The following EPHB1 variants were observed in gnomAD, a reference collection of about 807,000 sequenced individuals.
EPHB1 encodes ephrin type-B receptor 1.
EPHB1 carries 30 observed loss-of-function variants against 94.4 expected under a neutral mutation model. That is an observed-to-expected ratio of 0.32 (90% CI 0.24 to 0.43). EPHB1 has a LOEUF of 0.43. Among genes scored for constraint, EPHB1 ranks in the 20% least tolerant of loss-of-function variants. EPHB1 has a pLI of 1.00. For missense variants in EPHB1, 1,055 were observed against 1,308.3 expected (o/e 0.81, Z 2.99); for synonymous variants, 522 against 489.1 (o/e 1.07, Z -0.89).
intron 2 of EPHB1, 80 bp downstream of exon 2, chr3:134,925,960 C>A (rs2038783655): frequency 1.6e-6 from 2 of 1,254,958 alleles, no homozygotes; most frequent in Non-Finnish European, 2.2e-6. Flanking sequence ...AGAGACTACC[C>A]AGAGCAGTAC....
At chr3:135,227,361 A>G (rs1943426243) in intron 12 of EPHB1, among the ~76,000 whole-genome samples, 1 of 152,214 alleles carries the variant, frequency 6.6e-6, no homozygotes. Context: ...ATTCCCAGAA[A>G]TTACTATCAT....
chr3:134,840,163 A>C (rs1056439474), intron 1 of EPHB1, among the ~76,000 whole-genome samples: 1 of 152,176 alleles, frequency 6.6e-6, no homozygotes, highest in African/African-American at 2.4e-5. Flanking sequence ...TCACTATGGC[A>C]CAGGGCCCAG....
intron 9 of EPHB1, among the ~76,000 whole-genome samples, chr3:135,168,594 G>A (rs1297626446): frequency 6.6e-6 from 1 of 152,206 alleles, no homozygotes; most frequent in Admixed American, 6.5e-5. Context: ...TTGTACCTGT[G>A]ATTCTCAAGT....
chr3:135,169,858 A>G (rs1941755227), intron 9 of EPHB1, among the ~76,000 whole-genome samples: 1 of 152,248 alleles, frequency 6.6e-6, no homozygotes, highest in Non-Finnish European at 1.5e-5. Flanking sequence ...AGCCGGCTGC[A>G]GAGCCCATGC....
chr3:134,891,814 G>A (rs2037989926), intron 1 of EPHB1, among the ~76,000 whole-genome samples: 1 of 152,192 alleles, frequency 6.6e-6, no homozygotes, highest in Admixed American at 6.5e-5. Flanking sequence ...GTAGGATCTG[G>A]GTGTTAGAGC....
intron 3 of EPHB1, among the ~76,000 whole-genome samples, chr3:135,054,286 G>A (rs959525819): frequency 7.2e-5 from 11 of 152,144 alleles, no homozygotes; most frequent in Non-Finnish European, 1.0e-4. Flanking sequence ...GACTTGAACT[G>A]TAACTCTTCC....
At chr3:134,816,346 G>A (rs377585469) in intron 1 of EPHB1, among the ~76,000 whole-genome samples, 8 of 151,844 alleles carry the variant, frequency 5.3e-5, no homozygotes, top group East Asian at 3.9e-4. Flanking sequence ...CGCCCACCTC[G>A]CCTCCCAAAG....
chr3:135,110,151 A>G (rs966669947), intron 4 of EPHB1, among the ~76,000 whole-genome samples: 1 of 152,376 alleles, frequency 6.6e-6, no homozygotes, highest in Admixed American at 6.5e-5. Flanking sequence ...GACTGGTGTG[A>G]AAATAATTAC....
intron 3 of EPHB1, among the ~76,000 whole-genome samples, chr3:134,982,453 G>A (rs1453925624): frequency 5.3e-5 from 8 of 152,168 alleles, no homozygotes; most frequent in Admixed American, 2.0e-4. Flanking sequence ...GTGTTCCTGC[G>A]TGAGAAGGCA....
chr3:135,154,497 C>A, intron 6 of EPHB1: 3 of 520,832 alleles, frequency 5.8e-6, no homozygotes, highest in South Asian at 2.7e-5. Flanking sequence ...AACTTCCAGT[C>A]CACCATCCTG....
intron 1 of EPHB1, among the ~76,000 whole-genome samples, chr3:134,906,292 C>A (rs1389639259): frequency 6.6e-6 from 1 of 152,190 alleles, no homozygotes; most frequent in African/African-American, 2.4e-5. Flanking sequence ...TGTAGGTACA[C>A]TCTATTTAGA....
chr3:135,220,166 A>G (rs758414864), intron 12 of EPHB1, among the ~76,000 whole-genome samples: 2 of 152,186 alleles, frequency 1.3e-5, no homozygotes, highest in Non-Finnish European at 2.9e-5. Context: ...ACAGATGTCT[A>G]GGGAAAAGAG....
At chr3:134,986,711 A>AACACACACACACACACAC (rs60628273) in intron 3 of EPHB1, among the ~76,000 whole-genome samples, 280 of 145,718 alleles carry the variant, frequency 1.9e-3, no homozygotes, top group Middle Eastern at 3.4e-3. Context: ...TAAAGATATT[A>AACACACACACACACACAC]ACACACACAC....
At chr3:135,248,591 T>A in intron 14 of EPHB1, 82 bp downstream of exon 14, 2 of 1,404,710 alleles carry the variant, frequency 1.4e-6, no homozygotes, top group Non-Finnish European at 1.9e-6. Flanking sequence ...ACCATGATCA[T>A]GTTCGAATTT....
At chr3:134,925,072 G>A (rs1051094045) in intron 1 of EPHB1, among the ~76,000 whole-genome samples, 2 of 152,222 alleles carry the variant, frequency 1.3e-5, no homozygotes, top group Non-Finnish European at 2.9e-5. Flanking sequence ...GTTTATCCCT[G>A]ACGGCTCCTA....
In EPHB1 at chr3:135,187,956, T is replaced by C. The variant is rs544731993; in HGVS notation, c.1883-4620T>C. Among the ~76,000 whole-genome samples the C allele has an allele frequency of 7.8e-3, 1,190 of 152,288 alleles. 4 individuals are homozygous for C. Among genetic ancestry groups the C allele is most frequent in the Non-Finnish European group, 0.012 (840 of 68,030 alleles). Reference sequence around the variant, plus strand: ...GCTCATGCCTGTAATCTCAGCACTTTGGGATTCTGAGGCAGGCAGATCACC... The same window carrying C: ...GCTCATGCCTGTAATCTCAGCACTTCGGGATTCTGAGGCAGGCAGATCACC... On this transcript the variant is annotated intron_variant, in intron 10 of 15. Transcript: ENST00000398015.
chr3:135,032,647 G>A (rs1292041198), intron 3 of EPHB1, among the ~76,000 whole-genome samples: 2 of 152,190 alleles, frequency 1.3e-5, no homozygotes, highest in East Asian at 3.8e-4. Flanking sequence ...ATGAATGGGT[G>A]CCATTGTTGG....
chr3:134,852,407 C>G (rs938828697), intron 1 of EPHB1: 2 of 152,084 alleles, frequency 1.3e-5, no homozygotes, highest in Non-Finnish European at 2.9e-5. Context: ...GGCAGAGGGT[C>G]AGGCACTTAT....
intron 2 of EPHB1, among the ~76,000 whole-genome samples, chr3:134,947,944 C>A (rs1346225330): frequency 6.6e-6 from 1 of 152,042 alleles, no homozygotes; most frequent in Admixed American, 6.6e-5. Flanking sequence ...GCACAAGCCA[C>A]CAATCTTGGT....
Sources: allele counts gnomAD v4.1 joint callset (sites outside exome capture counted in the v4.1 genomes callset), GRCh38; gene constraint gnomAD v4.1.1; transcripts MANE v1.5; gene names NCBI Gene and HGNC (gene_info 2026-07-23, HGNC 2026-07-21).